CHST9: variants seen among roughly 807,000 people sequenced by gnomAD.
The protein encoded by CHST9 is carbohydrate sulfotransferase 9, also known as GalNAc-4-sulfotransferase 2.
CHST9 carries 41 observed loss-of-function variants against 44.4 expected under a neutral mutation model. The observed-to-expected ratio is 0.92, with a 90% CI of 0.72 to 1.20. CHST9 has a LOEUF of 1.20. Ranked by LOEUF, CHST9 falls within the 50% of genes most tolerant of loss-of-function variation. The probability of loss-of-function intolerance (pLI) is 0.00; values close to 1 mark genes in which losing one functional copy is unlikely to be tolerated. For missense variants in CHST9, 504 were observed against 516.5 expected (o/e 0.98, Z 0.23); for synonymous variants, 171 against 178.4 (o/e 0.96, Z 0.33).
intron 5 of CHST9, among the ~76,000 whole-genome samples, chr18:26,927,411 G>A (rs2055789334): frequency 6.6e-6 from 1 of 152,088 alleles, no homozygotes; most frequent in African/African-American, 2.4e-5. Context: ...TCCGCGCTCA[G>A]CATATGGTCT....
At chr18:26,956,497 T>A (rs2056327436) in intron 4 of CHST9, among the ~76,000 whole-genome samples, 1 of 149,236 alleles carries the variant, frequency 6.7e-6, no homozygotes, top group Admixed American at 6.7e-5. Context: ...ATTTTTTATA[T>A]ATATACACAC....
rs578043475 is a variant in CHST9, at chr18:26,907,911, GAC to G, written c.*8346_*8347del. 1.4e-3 allele frequency: 247 copies of G among 178,170 alleles called. No individual in the cohort carries two copies. Among genetic ancestry groups the G allele is most frequent in the African/African-American group, 5.3e-3 (225 of 42,262 alleles). 11.0% of individuals were successfully genotyped at this position (178,170 alleles called of 1,614,324 possible). On this transcript the variant is annotated 3_prime_UTR_variant, in exon 6 of 6. Coordinates refer to ENST00000618847, the MANE Select transcript of CHST9 (RefSeq NM_031422.6). Reference sequence around the variant, plus strand: ...AAGAGAAATACGCCAGTCACAAAAAGACACATGCTGTATGATTCCATTTATAT... The same window carrying G: ...AAGAGAAATACGCCAGTCACAAAAAGACATGCTGTATGATTCCATTTATAT...
At chr18:26,950,988 C>T (rs1479107017) in intron 4 of CHST9, among the ~76,000 whole-genome samples, 1 of 152,070 alleles carries the variant, frequency 6.6e-6, no homozygotes, top group Non-Finnish European at 1.5e-5. Flanking sequence ...AAAAAATTGA[C>T]AAAGTTGTCT....
chr18:27,182,076 A>G (rs1311404964), intron 1 of CHST9, among the ~76,000 whole-genome samples: 1 of 152,208 alleles, frequency 6.6e-6, no homozygotes, highest in African/African-American at 2.4e-5. Context: ...AAAGACAAAC[A>G]CAAATGACTT....
At chr18:26,944,519 T>A (rs997676902) in intron 4 of CHST9, among the ~76,000 whole-genome samples, 153 bp from the exon 5 acceptor site, 1 of 152,162 alleles carries the variant, frequency 6.6e-6, no homozygotes, top group African/African-American at 2.4e-5. Flanking sequence ...TTACAACCAC[T>A]TCAATAACTG....
intron 4 of CHST9, among the ~76,000 whole-genome samples, chr18:27,023,369 G>A (rs1176205962): frequency 6.6e-6 from 1 of 152,104 alleles, no homozygotes; most frequent in African/African-American, 2.4e-5. Flanking sequence ...CATTAGATTA[G>A]AATAATTAGT....
intron 2 of CHST9, among the ~76,000 whole-genome samples, chr18:27,118,662 A>T (rs187061099): frequency 2.0e-5 from 3 of 152,354 alleles, no homozygotes; most frequent in Admixed American, 2.0e-4. Context: ...GGCTCTGGAG[A>T]AGGCATCCCA....
chr18:27,163,635 G>A (rs1308699612), intron 1 of CHST9, among the ~76,000 whole-genome samples: 1 of 152,198 alleles, frequency 6.6e-6, no homozygotes, highest in African/African-American at 2.4e-5. Flanking sequence ...ATAATCTCCT[G>A]CTGTGACGTT....
intron 2 of CHST9, among the ~76,000 whole-genome samples, chr18:27,049,873 G>A (rs1402424440): frequency 6.6e-6 from 1 of 152,178 alleles, no homozygotes; most frequent in Non-Finnish European, 1.5e-5. Flanking sequence ...CAGCACAGAG[G>A]AGTGGGTGGA....
intron 4 of CHST9, among the ~76,000 whole-genome samples, chr18:26,993,540 T>C (rs909265290): frequency 6.6e-6 from 1 of 152,088 alleles, no homozygotes; most frequent in South Asian, 2.1e-4. Context: ...ACTAAGACAC[T>C]GTAAAGGCAG....
In CHST9 at chr18:26,916,315, A is replaced by G. The variant is rs2055519690; in HGVS notation, c.1276T>C (p.Tyr426His). The G allele has an allele frequency of 6.2e-7, 1 of 1,605,358 alleles. No homozygotes were observed. Among genetic ancestry groups the G allele is most frequent in the South Asian group, 1.1e-5 (1 of 90,384 alleles). ...AAATAGTCCAAGTAATAAAAGTCATAGATTAATTGTCTCTCAGTTCTAGTC... is the reference window on the plus strand; with the variant it reads ...AAATAGTCCAAGTAATAAAAGTCATGGATTAATTGTCTCTCAGTTCTAGTC... The part of the protein sequence containing the change: ...DLTRTERQLI[Y>H]DFYYLDYLMF... The change falls in exon 6 of 6, where the codon TAT (tyrosine) becomes CAT (histidine). Residue 426 changes from tyrosine (Y) to histidine (H), a missense_variant. Coordinates refer to ENST00000618847, the MANE Select transcript of CHST9 (RefSeq NM_031422.6).
At chr18:26,975,703 G>GTA (rs200040193) in intron 4 of CHST9, among the ~76,000 whole-genome samples, 20,647 of 106,618 alleles carry the variant, frequency 0.19, 2,148 homozygotes, top group East Asian at 0.31. Context: ...ATATATATGT[G>GTA]TATATATGTG....
At chr18:27,155,568 C>T in intron 1 of CHST9, among the ~76,000 whole-genome samples, 1 of 152,170 alleles carries the variant, frequency 6.6e-6, no homozygotes. Flanking sequence ...CTTTCTAGAA[C>T]AACTCATAAC....
At chr18:27,072,354 G>A (rs1418682471) in intron 2 of CHST9, among the ~76,000 whole-genome samples, 1 of 151,674 alleles carries the variant, frequency 6.6e-6, no homozygotes, top group African/African-American at 2.4e-5. Flanking sequence ...GTACAACCAG[G>A]GTTGTCAGCA....
chr18:27,178,295 CAT>C (rs747863235), intron 1 of CHST9, among the ~76,000 whole-genome samples: 11 of 151,988 alleles, frequency 7.2e-5, no homozygotes, highest in Non-Finnish European at 1.5e-4. Context: ...ACCACACACA[CAT>C]ATTATTGACT....
chr18:27,161,212 A>G (rs2058744275), intron 1 of CHST9, among the ~76,000 whole-genome samples: 1 of 152,048 alleles, frequency 6.6e-6, no homozygotes, highest in South Asian at 2.1e-4. Context: ...TAGGGTGTCA[A>G]TTTTAGATCT....
chr18:27,128,564 G>A (rs560649637), intron 2 of CHST9, among the ~76,000 whole-genome samples: 13 of 152,136 alleles, frequency 8.5e-5, no homozygotes, highest in Non-Finnish European at 1.3e-4. Flanking sequence ...CACCGTGCCC[G>A]GCCCCAAATC....
chr18:27,066,175 G>A (rs930643756), intron 2 of CHST9, among the ~76,000 whole-genome samples: 11 of 152,184 alleles, frequency 7.2e-5, no homozygotes, highest in Admixed American at 2.6e-4. Flanking sequence ...TTGCTGCAAC[G>A]CAGCTATTAC....
chr18:27,148,944 G>A (rs1204781499), intron 1 of CHST9, among the ~76,000 whole-genome samples: 4 of 132,178 alleles, frequency 3.0e-5, no homozygotes, highest in African/African-American at 5.5e-5. Flanking sequence ...TTTAATGATC[G>A]CCATTCTAAC....
Sources: gnomAD v4.1 joint callset for allele counts (sites outside exome capture counted in the v4.1 genomes callset) on GRCh38, gnomAD v4.1.1 for gene constraint, MANE v1.5 for transcripts, NCBI Gene and HGNC (gene_info 2026-07-23, HGNC 2026-07-21) for gene names.